The following SORCS3 variants were observed in gnomAD, a reference collection of about 807,000 sequenced individuals.
SORCS3 encodes the protein sortilin related VPS10 domain containing receptor 3, also known as VPS10 domain-containing receptor SorCS3.
SORCS3 carries 57 observed loss-of-function variants against 146.3 expected under a neutral mutation model. The observed-to-expected ratio is 0.39, with a 90% confidence interval of 0.31 to 0.49. SORCS3 has a LOEUF of 0.49. Ranked by LOEUF, SORCS3 falls within the 20% of genes least tolerant of loss-of-function variation. The pLI is 0.92. For synonymous variants in SORCS3, 653 were observed against 618.5 expected (o/e 1.06, Z -0.83); for missense variants, 1,341 against 1,575.5 (o/e 0.85, Z 2.52).
At chr10:105,097,039 C>CTAA (rs1442911647) in intron 6 of SORCS3, among the ~76,000 whole-genome samples, 1 of 152,054 alleles carries the variant, frequency 6.6e-6, no homozygotes, top group African/African-American at 2.4e-5. Context: ...GATGGTGCTG[C>CTAA]TCTAGACTGA....
At chr10:104,801,896 A>G (rs921029759) in intron 1 of SORCS3, among the ~76,000 whole-genome samples, 8 of 152,364 alleles carry the variant, frequency 5.3e-5, no homozygotes, top group Middle Eastern at 6.8e-3. Context: ...AACACTGATA[A>G]GAATAGAACT....
chr10:104,754,492 T>C (rs2017024161), intron 1 of SORCS3, among the ~76,000 whole-genome samples: 1 of 152,142 alleles, frequency 6.6e-6, no homozygotes. Flanking sequence ...GTATGGCAGA[T>C]GTTAGACACA....
intron 3 of SORCS3, among the ~76,000 whole-genome samples, chr10:104,967,441 A>G (rs1252534100): frequency 2.6e-5 from 4 of 152,214 alleles, no homozygotes; most frequent in Admixed American, 2.0e-4. Flanking sequence ...AGTGTTAACT[A>G]TATGCACATT....
At chr10:104,928,489 T>C (rs951347747) in intron 3 of SORCS3, among the ~76,000 whole-genome samples, 1 of 151,978 alleles carries the variant, frequency 6.6e-6, no homozygotes, top group Non-Finnish European at 1.5e-5. Context: ...GAGATATCTG[T>C]AACAAATACA....
chr10:105,091,293 T>TTCCTTCCC (rs1279161805), intron 6 of SORCS3, among the ~76,000 whole-genome samples: 1 of 64,432 alleles, frequency 1.6e-5, no homozygotes, highest in African/African-American at 5.6e-5. Flanking sequence ...GCTTCCTTCC[T>TTCCTTCCC]TCCTTCCCTC....
intron 2 of SORCS3, among the ~76,000 whole-genome samples, chr10:104,846,177 T>C (rs75825131): frequency 6.6e-6 from 1 of 152,150 alleles, no homozygotes; most frequent in African/African-American, 2.4e-5. Context: ...AGAGTGTGAC[T>C]GAGGAAAGGG....
At chr10:104,806,099 A>G (rs955712822) in intron 1 of SORCS3, among the ~76,000 whole-genome samples, 2 of 152,316 alleles carry the variant, frequency 1.3e-5, no homozygotes, top group Middle Eastern at 3.4e-3. Context: ...AGTTATCCTT[A>G]GCTTCCAGAT....
chr10:104,908,797 G>C (rs2018935103), intron 2 of SORCS3, among the ~76,000 whole-genome samples: 1 of 152,228 alleles, frequency 6.6e-6, no homozygotes, highest in Non-Finnish European at 1.5e-5. Context: ...TTATAGGAAA[G>C]ATCTTTGTAG....
intron 14 of SORCS3, among the ~76,000 whole-genome samples, chr10:105,182,904 T>A (rs1324141076): frequency 2.3e-4 from 35 of 152,116 alleles, no homozygotes; most frequent in Non-Finnish European, 7.4e-5. Flanking sequence ...GGTTTTGCCA[T>A]GTTGCCCAAG....
In SORCS3 at chr10:105,147,620, A is replaced by T. The variant is rs1212281812; in HGVS notation, c.1306A>T (p.Met436Leu). 1 of 1,608,676 alleles carries T rather than the reference A, an allele frequency of 6.2e-7. No individual in the cohort carries two copies. The change falls in exon 9 of 27, where the codon ATG becomes TTG. Residue 436 changes from methionine (M) to leucine (L), a missense_variant. Met to Leu is a conservative substitution (Grantham distance 15, BLOSUM62 2). Transcript: ENST00000369701. ...KLPKYSLPKDMHIISTDENQV... is the reference protein window; with the variant it reads ...KLPKYSLPKDLHIISTDENQV... ...CAAGCCTTCCATCTTCTTTCAGGAC[A>T]TGCACATCATCAGTACAGACGAGAA...
At chr10:104,713,877 A>C (rs1479823982) in intron 1 of SORCS3, among the ~76,000 whole-genome samples, 1 of 152,184 alleles carries the variant, frequency 6.6e-6, no homozygotes, top group Non-Finnish European at 1.5e-5. Context: ...AGGTGAAAGC[A>C]TCAGGCCTGG....
Position 105,255,725 on chromosome 10 carries a change from T to C in SORCS3, c.3261T>C (p.Ala1087=), listed in dbSNP as rs752676599. 4 of 1,613,762 alleles carry C rather than the reference T, an allele frequency of 2.5e-6. No homozygotes were observed. The highest frequency in any genetic ancestry group is 3.4e-6 in the Non-Finnish European group (4 of 1,179,876). ...AGATTGTAGAAACACTGTTTAATGCTCTCAACCAAAATTTGGTCCAGTTTG... is the reference window on the plus strand; with the variant it reads ...AGATTGTAGAAACACTGTTTAATGCCCTCAACCAAAATTTGGTCCAGTTTG... The part of the protein sequence containing the change: ...LEQIVETLFN[A]LNQNLVQFEL... Residue 1087 remains alanine (A), a synonymous_variant, in exon 24 of 27, where the codon GCT becomes GCC. Coordinates refer to ENST00000369701, the MANE Select transcript of SORCS3 (RefSeq NM_014978.3).
At chr10:104,658,612 C>T (rs980569509) in intron 1 of SORCS3, among the ~76,000 whole-genome samples, 1 of 152,192 alleles carries the variant, frequency 6.6e-6, no homozygotes, top group Non-Finnish European at 1.5e-5. Flanking sequence ...ACCTTGGCCT[C>T]CCAAAGTGGT....
At chr10:104,725,866 C>T (rs1016478788) in intron 1 of SORCS3, among the ~76,000 whole-genome samples, 2 of 152,240 alleles carry the variant, frequency 1.3e-5, no homozygotes, top group African/African-American at 4.8e-5. Context: ...TTTCCAGGTG[C>T]TGTCTGTCAC....
intron 1 of SORCS3, among the ~76,000 whole-genome samples, chr10:104,729,001 A>G (rs114383526): frequency 0.014 from 2,074 of 152,354 alleles, 40 homozygotes; most frequent in African/African-American, 0.041. Flanking sequence ...ATTTCAGGAA[A>G]TCATTGCAGA....
intron 1 of SORCS3, among the ~76,000 whole-genome samples, chr10:104,805,188 T>C (rs2017667394): frequency 6.6e-6 from 1 of 152,186 alleles, no homozygotes; most frequent in African/African-American, 2.4e-5. Context: ...AAATAACTAA[T>C]ACAATGAGAA....
intron 1 of SORCS3, among the ~76,000 whole-genome samples, chr10:104,722,435 TTC>T (rs199585892): frequency 0.044 from 6,761 of 152,282 alleles, 143 homozygotes; most frequent in Admixed American, 0.053. Flanking sequence ...TGGTCTAAAA[TTC>T]TCTTTTTTTG....
At chr10:105,080,581 T>TAG (rs2055617361) in intron 5 of SORCS3, among the ~76,000 whole-genome samples, 1 of 152,236 alleles carries the variant, frequency 6.6e-6, no homozygotes, top group Non-Finnish European at 1.5e-5. Flanking sequence ...TTGTTGCAAT[T>TAG]GCTTTTGGCA....
intron 1 of SORCS3, among the ~76,000 whole-genome samples, chr10:104,812,194 T>G (rs1301278490): frequency 6.6e-6 from 1 of 152,142 alleles, no homozygotes; most frequent in Non-Finnish European, 1.5e-5. Flanking sequence ...ACAGTGCATC[T>G]TAGTCCAGTG....
Sources: gnomAD v4.1 joint callset for allele counts (sites outside exome capture counted in the v4.1 genomes callset) on GRCh38, gnomAD v4.1.1 for gene constraint, MANE v1.5 for transcripts, NCBI Gene and HGNC (gene_info 2026-07-23, HGNC 2026-07-21) for gene names.